The following PIWIL2 variants were observed in gnomAD, a reference collection of about 807,000 sequenced individuals.
PIWIL2 encodes the protein piwi-like protein 2.
PIWIL2 carries 81 observed loss-of-function variants against 116.5 expected under a neutral mutation model. That is an observed-to-expected ratio of 0.70 (90% CI 0.58 to 0.84). The LOEUF (loss-of-function observed/expected upper bound fraction) is 0.84, where lower values mean the gene tolerates loss of function less well. Ranked by LOEUF, PIWIL2 falls within the 40% of genes least tolerant of loss-of-function variation. The pLI is 0.00. For missense variants in PIWIL2, 1,272 were observed against 1,212.3 expected (o/e 1.05, Z -0.73); for synonymous variants, 489 against 429.5 (o/e 1.14, Z -1.71).
intron 20 of PIWIL2, among the ~76,000 whole-genome samples, chr8:22,332,552 G>A (rs1177920207): frequency 1.3e-5 from 2 of 152,024 alleles, no homozygotes; most frequent in Non-Finnish European, 2.9e-5. Context: ...TAACACTGTT[G>A]AGGGTAAAGA....
intron 5 of PIWIL2, among the ~76,000 whole-genome samples, chr8:22,283,677 G>A (rs1054102943): frequency 2.6e-5 from 4 of 152,168 alleles, no homozygotes; most frequent in African/African-American, 4.8e-5. Context: ...CCAAGGTGCT[G>A]GGATTACAGG....
chr8:22,348,432 AACTG>A lies in PIWIL2; in HGVS notation c.2404-4524_2404-4521del, dbSNP rs1419483810. ...AACACTCAGCAGATATTTTTTGCCT[AACTG>A]ACCCTTGCCCCTCTGCGCAGTGCTA... On this transcript the variant is annotated intron_variant, in intron 20 of 22. Coordinates refer to ENST00000356766, the MANE Select transcript of PIWIL2 (RefSeq NM_018068.5). Among the ~76,000 whole-genome samples the A allele has an allele frequency of 3.9e-5, 6 of 152,282 alleles. No individual in the cohort carries two copies. The East Asian group carries it at 5.8e-4, about 15-fold the overall frequency.
At position 22,283,231 on chromosome 8, in the gene PIWIL2, A is replaced by T; in HGVS notation, c.623A>T (p.His208Leu). The T allele has an allele frequency of 1.2e-6, 2 of 1,613,254 alleles. No homozygotes were observed. The highest frequency in any genetic ancestry group is 1.7e-6 in the Non-Finnish European group (2 of 1,179,400). ...PDRPLVLTVE[H>L]KEKELIVKQG... ...CGCCCTCTGGTCCTGACTGTGGAAC[A>T]CAAGGAAAAGTAAGTCAGGAGCACT... The change falls in exon 5 of 23, where the codon CAC (histidine) becomes CTC (leucine). Residue 208 changes from histidine to leucine, a missense_variant. His to Leu is a moderately conservative substitution (Grantham distance 99, BLOSUM62 -3). Transcript: ENST00000356766.
chr8:22,332,972 G>A (rs1008503035), intron 20 of PIWIL2, among the ~76,000 whole-genome samples: 1 of 152,114 alleles, frequency 6.6e-6, no homozygotes, highest in Non-Finnish European at 1.5e-5. Flanking sequence ...AAAATGTCAT[G>A]TGGCTATATA....
chr8:22,316,118 TCCCAGAAC>T, intron 18 of PIWIL2, 119 bp from the exon 19 acceptor site: 2 of 610,474 alleles, frequency 3.3e-6, no homozygotes, highest in Non-Finnish European at 5.9e-6. Context: ...TTTTTTTCTT[TCCCAGAAC>T]TTACTTTCAT....
Position 22,315,938 on chromosome 8 carries a change from A to G in PIWIL2, c.2209-307A>G, listed in dbSNP as rs180784023. Among the ~76,000 whole-genome samples the G allele has an allele frequency of 1.9e-3, 291 of 152,304 alleles. 5 individuals are homozygous for G. The highest frequency in any genetic ancestry group is 0.015 in the Admixed American group (224 of 15,286). ...CAAAATCTGAAACTCTTTGAGTGTC[A>G]TGTCGGTGCTCAAAAGCTTTTCAGA... On this transcript the variant is annotated intron_variant, in intron 18 of 22. Transcript: ENST00000356766.
chr8:22,288,804 G>A (rs1314936625), intron 8 of PIWIL2, 138 bp downstream of exon 8: 1 of 670,708 alleles, frequency 1.5e-6, no homozygotes, highest in East Asian at 2.7e-5. Context: ...TAAATGGATG[G>A]TATTGAGGCT....
chr8:22,332,370 T>C (rs559243150), intron 20 of PIWIL2, among the ~76,000 whole-genome samples: 14 of 152,082 alleles, frequency 9.2e-5, no homozygotes, highest in Admixed American at 4.6e-4. Flanking sequence ...GGTTAAAATA[T>C]AATATGTACA....
chr8:22,282,074 CTTTTTTTTTTTT>C (rs397963368), intron 4 of PIWIL2, among the ~76,000 whole-genome samples: 1 of 88,820 alleles, frequency 1.1e-5, no homozygotes, highest in East Asian at 3.3e-4. Flanking sequence ...TGTGCGTGGA[CTTTTTTTTTTTT>C]TTTTTTTTTT....
intron 20 of PIWIL2, among the ~76,000 whole-genome samples, chr8:22,338,880 A>G (rs192188088): frequency 2.9e-4 from 44 of 152,284 alleles, no homozygotes; most frequent in African/African-American, 9.9e-4. Context: ...ATGCAAAAAC[A>G]TAGAATAGTC....
intron 20 of PIWIL2, among the ~76,000 whole-genome samples, chr8:22,348,084 T>G (rs181868043): frequency 7.2e-5 from 11 of 152,126 alleles, no homozygotes; most frequent in Non-Finnish European, 1.5e-4. Context: ...GCACATCACT[T>G]GAGGTCAGGA....
At chr8:22,286,980 G>A (rs953853601) in intron 6 of PIWIL2, among the ~76,000 whole-genome samples, 1 of 151,950 alleles carries the variant, frequency 6.6e-6, no homozygotes, top group Non-Finnish European at 1.5e-5. Flanking sequence ...AGTTACTTGG[G>A]GGACTGAGGC....
intron 7 of PIWIL2, 28 bp from the exon 8 acceptor site, chr8:22,288,514 G>C (rs1185469620): frequency 6.3e-7 from 1 of 1,596,552 alleles, no homozygotes; most frequent in East Asian, 2.2e-5. Context: ...TTGTCATTTT[G>C]TTTCACCTGT....
chr8:22,286,503 GGA>G (rs764973910), intron 6 of PIWIL2, among the ~76,000 whole-genome samples: 42 of 152,138 alleles, frequency 2.8e-4, no homozygotes, highest in Non-Finnish European at 5.6e-4. Flanking sequence ...TAAACAGAGG[GGA>G]GAGGGCTGCA....
chr8:22,288,692 G>A, intron 8 of PIWIL2, 26 bp downstream of exon 8: 1 of 1,588,074 alleles, frequency 6.3e-7, no homozygotes, highest in Non-Finnish European at 8.6e-7. Flanking sequence ...AAGTTCTATT[G>A]TCCTGTAACT....
At chr8:22,351,482 T>TATATATATATATATATAA (rs1401638608) in intron 20 of PIWIL2, among the ~76,000 whole-genome samples, 1 of 115,716 alleles carries the variant, frequency 8.6e-6, no homozygotes, top group African/African-American at 3.1e-5. Context: ...TATATATATA[T>TATATATATATATATATAA]AATTTATATC....
At chr8:22,291,047 C>T (rs1329652936) in intron 10 of PIWIL2, among the ~76,000 whole-genome samples, 1 of 151,674 alleles carries the variant, frequency 6.6e-6, no homozygotes, top group Non-Finnish European at 1.5e-5. Context: ...TGGCTCACTG[C>T]ACCCTCTACC....
At chr8:22,320,679 C>T (rs1315142810) in intron 20 of PIWIL2, among the ~76,000 whole-genome samples, 4 of 151,434 alleles carry the variant, frequency 2.6e-5, no homozygotes, top group Non-Finnish European at 5.9e-5. Context: ...CAGCCTCCGC[C>T]TCCCGGGTTC....
Position 22,304,309 on chromosome 8 carries a change from C to T in PIWIL2, c.1370+100C>T, listed in dbSNP as rs936556061. On this transcript the variant is annotated intron_variant, in intron 11 of 22. Coordinates refer to ENST00000356766, the MANE Select transcript of PIWIL2 (RefSeq NM_018068.5). ...TTCTGCAATAGCATACCACTTGACA[C>T]TTTTCAAAATAATTGAATTGGTAAT... 7 of 725,462 alleles carry T rather than the reference C, an allele frequency of 9.6e-6. 1 individual carries two copies. Among genetic ancestry groups the T allele is most frequent in the East Asian group, 7.5e-5 (3 of 39,972 alleles). The allele number at this position is 725,462 out of a possible 1,614,324, so 44.9% of individuals were successfully genotyped here.
Sources: gnomAD v4.1 joint callset for allele counts (sites outside exome capture counted in the v4.1 genomes callset) on GRCh38, gnomAD v4.1.1 for gene constraint, MANE v1.5 for transcripts, NCBI Gene and HGNC (gene_info 2026-07-23, HGNC 2026-07-21) for gene names.